KIF3A: variants seen among roughly 807,000 people sequenced by gnomAD.
KIF3A encodes kinesin family member 3A.
In KIF3A, 27 loss-of-function variants were observed where a neutral mutation model predicts 92.6. The ratio of observed to expected loss-of-function variants is 0.29; its 90% CI spans 0.21 to 0.40. The LOEUF is 0.40. Ranked by LOEUF, KIF3A falls within the 10% of genes least tolerant of loss-of-function variation. KIF3A has a pLI of 1.00. For synonymous variants in KIF3A, 250 were observed against 275.4 expected, an observed-to-expected ratio of 0.91 and a Z score of 0.92; for missense variants, 581 against 872.6, an observed-to-expected ratio of 0.67 and a Z score of 4.21.
At position 132,700,268 on chromosome 5, in the gene KIF3A, G is replaced by C; in HGVS notation, c.1955C>G (p.Thr652Arg). Residue 652 changes from threonine (T) to arginine (R), a missense_variant, in exon 17 of 19, where the codon ACA (threonine) becomes AGA (arginine). By Grantham distance (71) the Thr-to-Arg change is moderately conservative. Around this residue, in one of 5 missense-constraint regions of KIF3A, gnomAD observed 112 missense variants for 144.3 expected, o/e 0.78. Coordinates refer to ENST00000403231, the MANE Select transcript of KIF3A (RefSeq NM_001300791.2). ...GGTTTGCTTCCTCATGTTATTTCCTGTATAAGCAACACATTTCTCAAAAAA... is the reference window on the plus strand; with the variant it reads ...GGTTTGCTTCCTCATGTTATTTCCTCTATAAGCAACACATTTCTCAAAAAA... ...GEWQLKCVAY[T>R]GNNMRKQTPV... 1 of 1,594,450 alleles carries C rather than the reference G, an allele frequency of 6.3e-7. No homozygotes were observed. The highest frequency in any genetic ancestry group is 8.6e-7 in the Non-Finnish European group (1 of 1,168,086).
At chr5:132,735,787 G>C (rs986146808) in intron 1 of KIF3A, among the ~76,000 whole-genome samples, 2 of 152,178 alleles carry the variant, frequency 1.3e-5, no homozygotes, top group Non-Finnish European at 2.9e-5. Context: ...GTTTCCCATA[G>C]ATCTCAGAAC....
At chr5:132,700,043 C>T (rs1347327868) in intron 17 of KIF3A, among the ~76,000 whole-genome samples, 173 bp downstream of exon 17, 2 of 152,168 alleles carry the variant, frequency 1.3e-5, no homozygotes, top group African/African-American at 2.4e-5. Flanking sequence ...GTAAGCAGAA[C>T]TGTCCTCCTC....
At position 132,696,540 on chromosome 5, in the gene KIF3A, G is replaced by C; in HGVS notation, c.*94C>G. The C allele has an allele frequency of 1.4e-6, 1 of 739,256 alleles. No homozygotes were observed. The highest frequency in any genetic ancestry group is 2.2e-5 in the Admixed American group (1 of 44,760). The allele number at this position is 739,256 out of a possible 1,614,324, so 45.8% of individuals were successfully genotyped here. On this transcript the variant is annotated 3_prime_UTR_variant, in exon 19 of 19. Coordinates refer to ENST00000403231, the MANE Select transcript of KIF3A (RefSeq NM_001300791.2). ...CATTGATCTACAACTTCCATTAATT[G>C]AAATTATAGAGAAGTCTTCACTGTT... is the stretch of plus-strand genomic sequence containing the variant.
intron 16 of KIF3A, 155 bp from the exon 17 acceptor site, chr5:132,700,439 A>C (rs1752993472): frequency 1.5e-6 from 1 of 652,950 alleles, no homozygotes; most frequent in Non-Finnish European, 2.7e-6. Flanking sequence ...AGTCCCACAT[A>C]GCCCCTAACT....
chr5:132,702,489 T>C, intron 14 of KIF3A, 69 bp downstream of exon 14: 1 of 877,156 alleles, frequency 1.1e-6, no homozygotes, highest in South Asian at 1.7e-5. Flanking sequence ...ATTTATAAAT[T>C]CTTAATCAAA....
intron 14 of KIF3A, 35 bp from the exon 15 acceptor site, chr5:132,702,247 C>T (rs892482856): frequency 9.3e-6 from 15 of 1,606,954 alleles, no homozygotes; most frequent in Non-Finnish European, 1.3e-5. Flanking sequence ...TATGAACAAA[C>T]AAGACTTTAA....
chr5:132,737,535 CTG>C lies in KIF3A; in HGVS notation c.-118_-117del. 8.0e-7 allele frequency: 1 copy of C among 1,249,286 alleles called. No homozygotes were observed. Among genetic ancestry groups the C allele is most frequent in the East Asian group, 2.9e-5 (1 of 34,270 alleles). The allele number at this position is 1,249,286 out of a possible 1,614,324, so 77.4% of individuals were successfully genotyped here. A position where few individuals can be genotyped will look rare whatever the true frequency, so the allele number is the denominator to read the frequency against. On this transcript the variant is annotated 5_prime_UTR_variant, in exon 1 of 19. Transcript: ENST00000403231. ...AAACACCTCGTTGACGCTCTCGAGACTGCGGCTTCTCGGGCGAGAGCGCCCAG... is the reference window on the plus strand; with the variant it reads ...AAACACCTCGTTGACGCTCTCGAGACCGGCTTCTCGGGCGAGAGCGCCCAG...
Position 132,707,934 on chromosome 5 carries a change from A to G in KIF3A, c.1300+973T>C, listed in dbSNP as rs573482281. ...GCCTTTAAGTTTGAAATAAGTCTAG[A>G]TGGATCCTGCATAAAATCCACGTGA... On this transcript the variant is annotated intron_variant, in intron 10 of 18. Coordinates refer to ENST00000403231, the MANE Select transcript of KIF3A (RefSeq NM_001300791.2). Among the ~76,000 whole-genome samples, 15 of 152,360 alleles carry G rather than the reference A, an allele frequency of 9.8e-5. No homozygotes were observed. In the East Asian group the frequency reaches 2.7e-3, roughly 27 times the overall value.
At chr5:132,715,147 T>C (rs901785309) in intron 8 of KIF3A, among the ~76,000 whole-genome samples, 2 of 152,206 alleles carry the variant, frequency 1.3e-5, no homozygotes, top group Non-Finnish European at 2.9e-5. Context: ...GATCTGTTTC[T>C]CGCATTAAGG....
intron 18 of KIF3A, chr5:132,697,587 G>A (rs927355221): frequency 2.0e-5 from 3 of 152,080 alleles, no homozygotes; most frequent in African/African-American, 7.2e-5. Flanking sequence ...AGGCTGAGGT[G>A]GGCAGATCAC....
At position 132,693,819 on chromosome 5, in the gene KIF3A, A is replaced by C. The variant is rs1392267807; in HGVS notation, c.*2815T>G. The C allele has an allele frequency of 6.6e-6, 1 of 151,774 alleles. No homozygotes were observed. The highest frequency in any genetic ancestry group is 1.9e-4 in the East Asian group (1 of 5,146). The allele number at this position is 151,774 out of a possible 1,614,324, so 9.4% of individuals were successfully genotyped here. ...GGTGAAACCCGGTCTCTACTAAAAA[A>C]AAAATACAAAAATTAGCTGGGTGTG... is the stretch of plus-strand genomic sequence containing the variant. On this transcript the variant is annotated 3_prime_UTR_variant, in exon 19 of 19. Transcript: ENST00000403231.
chr5:132,722,690 A>C (rs1344882832), intron 4 of KIF3A, among the ~76,000 whole-genome samples: 1 of 152,220 alleles, frequency 6.6e-6, no homozygotes, highest in Non-Finnish European at 1.5e-5. Context: ...TCCATATAGC[A>C]ATAATATGAG....
In KIF3A at chr5:132,694,435, T is replaced by C. The variant is rs1752767970; in HGVS notation, c.*2199A>G. The C allele has an allele frequency of 6.6e-6, 1 of 152,284 alleles. No individual in the cohort carries two copies. Among genetic ancestry groups the C allele is most frequent in the Non-Finnish European group, 1.5e-5 (1 of 68,028 alleles). The allele number at this position is 152,284 out of a possible 1,614,324, so 9.4% of individuals were successfully genotyped here. A position where few individuals can be genotyped will look rare whatever the true frequency, so the allele number is the denominator to read the frequency against. The stretch of plus-strand genomic sequence containing the variant: ...GTAGCCTGCTTTTAGAACTTCTCAA[T>C]TGACTTTTTATAGATCGGCTTTTTA... On this transcript the variant is annotated 3_prime_UTR_variant, in exon 19 of 19. Coordinates refer to ENST00000403231, the MANE Select transcript of KIF3A (RefSeq NM_001300791.2).
intron 2 of KIF3A, among the ~76,000 whole-genome samples, chr5:132,733,155 G>A (rs1270853435): frequency 6.6e-6 from 1 of 152,034 alleles, no homozygotes; most frequent in Non-Finnish European, 1.5e-5. Context: ...ATGGATACAG[G>A]GTTTCTTTTT....
chr5:132,728,086 G>A (rs1754098311), intron 2 of KIF3A, among the ~76,000 whole-genome samples: 1 of 152,092 alleles, frequency 6.6e-6, no homozygotes, highest in Admixed American at 6.6e-5. Context: ...AAAATATCAT[G>A]AGCTCATAGA....
chr5:132,696,431 C>T lies in KIF3A; in HGVS notation c.*203G>A. On this transcript the variant is annotated 3_prime_UTR_variant, in exon 19 of 19. Coordinates refer to ENST00000403231, the MANE Select transcript of KIF3A (RefSeq NM_001300791.2). ...AAGAGTAGTAGTACAACAATTTGAA[C>T]AATCACCAGTTGTACAATTTTAATG... 2.0e-6 allele frequency: 1 copy of T among 512,318 alleles called. No individual in the cohort carries two copies. Among genetic ancestry groups the T allele is most frequent in the South Asian group, 2.8e-5 (1 of 35,234 alleles). The allele number at this position is 512,318 out of a possible 1,614,324, so 31.7% of individuals were successfully genotyped here.
chr5:132,709,216 G>T lies in KIF3A; in HGVS notation c.1229-238C>A, dbSNP rs977024925. 8.5e-5 allele frequency among the ~76,000 whole-genome samples: 13 copies of T among 152,316 alleles called. No homozygotes were observed. In the East Asian group the frequency reaches 2.3e-3, roughly 27 times the overall value. ...AAGTGTACTGCTTTAAGCAACTACTGTGGGCAGATCCTACTGGTCACCTAA... is the reference window on the plus strand; with the variant it reads ...AAGTGTACTGCTTTAAGCAACTACTTTGGGCAGATCCTACTGGTCACCTAA... On this transcript the variant is annotated intron_variant, in intron 9 of 18. Transcript: ENST00000403231.
chr5:132,731,465 T>A (rs1185166547), intron 2 of KIF3A, among the ~76,000 whole-genome samples: 1 of 152,074 alleles, frequency 6.6e-6, no homozygotes, highest in Non-Finnish European at 1.5e-5. Flanking sequence ...CCAAAAACTC[T>A]CAGCGAACTA....
intron 8 of KIF3A, among the ~76,000 whole-genome samples, chr5:132,713,889 CTTTT>C (rs34191042): frequency 3.6e-5 from 3 of 83,760 alleles, no homozygotes; most frequent in Non-Finnish European, 6.5e-5. Flanking sequence ...ATTTCACTTT[CTTTT>C]TTTTTTTTTT....
Sources: gnomAD v4.1 joint callset for allele counts (sites outside exome capture counted in the v4.1 genomes callset) on GRCh38, gnomAD v4.1.1 for gene constraint, gnomAD v4.1.1 regional missense constraint, MANE v1.5 for transcripts, NCBI Gene and HGNC (gene_info 2026-07-23, HGNC 2026-07-21) for gene names.